Variants in CADM2 observed in about 807,000 individuals in gnomAD.
CADM2 encodes the protein immunoglobulin superfamily member 4D.
A neutral mutation model predicts 49.8 loss-of-function variants in CADM2; 12 were observed. The ratio of observed to expected loss-of-function variants is 0.24; its 90% CI spans 0.15 to 0.39. The LOEUF is 0.39. Among genes scored for constraint, CADM2 ranks in the 10% least tolerant of loss-of-function variants. The pLI is 1.00. For missense variants in CADM2, 378 were observed against 492.3 expected, an observed-to-expected ratio of 0.77 and a Z score of 2.20; for synonymous variants, 214 against 175.4, an observed-to-expected ratio of 1.22 and a Z score of -1.74.
intron 1 of CADM2, among the ~76,000 whole-genome samples, chr3:85,427,200 A>ATATATATATATATATT (rs1491378560): frequency 1.6e-5 from 2 of 126,622 alleles, no homozygotes; most frequent in East Asian, 2.4e-4. Flanking sequence ...ATATATATAT[A>ATATATATATATATATT]TGTATAATAA....
intron 7 of CADM2, among the ~76,000 whole-genome samples, chr3:85,959,974 T>G (rs1443347847): frequency 1.3e-5 from 2 of 151,916 alleles, no homozygotes; most frequent in Non-Finnish European, 2.9e-5. Flanking sequence ...GCCAGGAAAC[T>G]CTTGCAAGGG....
Position 86,073,431 on chromosome 3 carries a change from G to A in CADM2, c.*6648G>A, listed in dbSNP as rs777509109. ...CATTAACATTTTCAAAAAACAAAAT[G>A]CATATTGTAATATTTGGTACATGAC... On this transcript the variant is annotated 3_prime_UTR_variant, in exon 10 of 10. Transcript: ENST00000383699. 3 of 151,968 alleles carry A rather than the reference G, an allele frequency of 2.0e-5. No individual in the cohort carries two copies. The highest frequency in any genetic ancestry group is 4.4e-5 in the Non-Finnish European group (3 of 67,886). 9.4% of individuals were successfully genotyped at this position (151,968 alleles called of 1,614,324 possible). A position where few individuals can be genotyped will look rare whatever the true frequency, so the allele number is the denominator to read the frequency against.
At chr3:85,393,016 A>T (rs2034592161) in intron 1 of CADM2, among the ~76,000 whole-genome samples, 1 of 151,984 alleles carries the variant, frequency 6.6e-6, no homozygotes, top group African/African-American at 2.4e-5. Flanking sequence ...GCTGAATTCC[A>T]TGAACAATTT....
chr3:85,137,307 A>G (rs1424382659), intron 1 of CADM2, among the ~76,000 whole-genome samples: 2 of 151,964 alleles, frequency 1.3e-5, no homozygotes, highest in Admixed American at 6.6e-5. Flanking sequence ...TCTTTTTACA[A>G]TCCCAGGACT....
At position 85,190,684 on chromosome 3, in the gene CADM2, G is replaced by T. The variant is rs114210619; in HGVS notation, c.61+231016G>T. 4.8e-3 allele frequency among the ~76,000 whole-genome samples: 728 copies of T among 152,228 alleles called. 7 individuals carry two copies. The highest frequency in any genetic ancestry group is 0.017 in the African/African-American group (705 of 41,548). On this transcript the variant is annotated intron_variant, in intron 1 of 9. Coordinates refer to ENST00000383699, the MANE Select transcript of CADM2 (RefSeq NM_001167675.2). ...ATAAGGAGCAGTAGAATAATATTAA[G>T]CAAATTAATGTACATCAATCCGAAT...
intron 1 of CADM2, among the ~76,000 whole-genome samples, chr3:85,637,282 G>A (rs967504093): frequency 2.6e-5 from 4 of 151,930 alleles, no homozygotes; most frequent in African/African-American, 9.7e-5. Flanking sequence ...GTTCTAGAAC[G>A]TCTTGAAATA....
At chr3:85,612,380 A>G (rs1286506155) in intron 1 of CADM2, among the ~76,000 whole-genome samples, 1 of 151,670 alleles carries the variant, frequency 6.6e-6, no homozygotes, top group Non-Finnish European at 1.5e-5. Flanking sequence ...TTCTAATTCC[A>G]TTTTCTTGCA....
intron 1 of CADM2, among the ~76,000 whole-genome samples, chr3:85,634,944 T>A (rs1331461282): frequency 6.6e-6 from 1 of 152,072 alleles, no homozygotes; most frequent in African/African-American, 2.4e-5. Flanking sequence ...TTCTAATGGC[T>A]TGTGGCCCAT....
intron 8 of CADM2, among the ~76,000 whole-genome samples, chr3:86,010,075 A>T (rs754215683): frequency 1.2e-4 from 18 of 151,946 alleles, no homozygotes; most frequent in Non-Finnish European, 1.5e-4. Flanking sequence ...CATTTAATTT[A>T]AAGTAAATAG....
chr3:85,493,019 T>C (rs2039741592), intron 1 of CADM2, among the ~76,000 whole-genome samples: 1 of 152,180 alleles, frequency 6.6e-6, no homozygotes, highest in Admixed American at 6.5e-5. Flanking sequence ...GACCATTACA[T>C]ATGGCCCTAG....
chr3:85,848,871 CAG>C (rs2074984998), intron 3 of CADM2, among the ~76,000 whole-genome samples: 1 of 152,026 alleles, frequency 6.6e-6, no homozygotes, highest in South Asian at 2.1e-4. Flanking sequence ...AAACTAGAAA[CAG>C]ATTTTTTTTT....
rs538200080 is a variant in CADM2 at position 85,913,374 on chromosome 3, T to C, written c.700+831T>C. ...AGATAATATGTTCTGAATTGCAATA[T>C]TTGATTTTCTAGATAATGAAGATTT... On this transcript the variant is annotated intron_variant, in intron 6 of 9. Coordinates refer to ENST00000383699, the MANE Select transcript of CADM2 (RefSeq NM_001167675.2). Among the ~76,000 whole-genome samples the C allele has an allele frequency of 3.3e-5, 5 of 152,320 alleles. No individual in the cohort carries two copies. The South Asian group carries it at 6.2e-4, about 19-fold the overall frequency.
At chr3:85,887,116 C>A (rs1454882094) in intron 5 of CADM2, among the ~76,000 whole-genome samples, 1 of 152,136 alleles carries the variant, frequency 6.6e-6, no homozygotes, top group East Asian at 1.9e-4. Flanking sequence ...GAGATAGGGT[C>A]TTGCTCTGTC....
chr3:85,476,085 C>T (rs551777059), intron 1 of CADM2, among the ~76,000 whole-genome samples: 1 of 151,868 alleles, frequency 6.6e-6, no homozygotes, highest in Non-Finnish European at 1.5e-5. Flanking sequence ...TTAAACACTA[C>T]TTCAAATGAT....
intron 8 of CADM2, among the ~76,000 whole-genome samples, chr3:85,973,140 A>G (rs1345875310): frequency 1.3e-5 from 2 of 151,716 alleles, no homozygotes; most frequent in African/African-American, 4.8e-5. Flanking sequence ...TTACTGATTC[A>G]TATTTTTAAG....
At position 85,503,025 on chromosome 3, in the gene CADM2, A is replaced by T. The variant is rs183261263; in HGVS notation, c.62-223497A>T. Among the ~76,000 whole-genome samples the T allele has an allele frequency of 1.2e-4, 19 of 152,270 alleles. No homozygotes were observed. In the East Asian group the frequency reaches 3.7e-3, roughly 29 times the overall value. On this transcript the variant is annotated intron_variant, in intron 1 of 9. Coordinates refer to ENST00000383699, the MANE Select transcript of CADM2 (RefSeq NM_001167675.2). The stretch of plus-strand genomic sequence containing the variant: ...TCTATAAGGTATCCAGCTTTAAAAA[A>T]GATCCTCAGATAGGTTCCCACCCTA...
chr3:85,899,148 T>C (rs1715753187), intron 5 of CADM2, among the ~76,000 whole-genome samples: 1 of 150,946 alleles, frequency 6.6e-6, no homozygotes. Flanking sequence ...GTAATATTAG[T>C]AGAGACAGGG....
chr3:86,003,008 G>T (rs2108745485), intron 8 of CADM2, among the ~76,000 whole-genome samples: 1 of 152,262 alleles, frequency 6.6e-6, no homozygotes, highest in Non-Finnish European at 1.5e-5. Flanking sequence ...ACCCATTGTG[G>T]AAAGGAAATT....
chr3:85,486,615 TAACAA>T (rs1417747241), intron 1 of CADM2, among the ~76,000 whole-genome samples: 1 of 152,150 alleles, frequency 6.6e-6, no homozygotes, highest in African/African-American at 2.4e-5. Flanking sequence ...GAATATAAAA[TAACAA>T]ATGTTTTCCA....
Sources: gnomAD v4.1 joint callset for allele counts (sites outside exome capture counted in the v4.1 genomes callset) on GRCh38, gnomAD v4.1.1 for gene constraint, MANE v1.5 for transcripts, NCBI Gene and HGNC (gene_info 2026-07-23, HGNC 2026-07-21) for gene names.